The following DCAF12 variants were observed in gnomAD, a reference collection of about 807,000 sequenced individuals.
DCAF12 encodes DDB1 and CUL4 associated factor 12.
Under a neutral mutation model 52.8 loss-of-function variants are expected in DCAF12, and 28 were observed. The observed-to-expected ratio is 0.53, with a 90% CI of 0.39 to 0.73. The LOEUF (loss-of-function observed/expected upper bound fraction) is 0.73, where lower values mean the gene tolerates loss of function less well. DCAF12 is among the 30% of genes least tolerant of loss of function. The pLI, the probability that DCAF12 is intolerant of heterozygous loss-of-function variation, is 0.00. For synonymous variants in DCAF12, 196 were observed against 215.5 expected (o/e 0.91, Z 0.79); for missense variants, 425 against 552.2 (o/e 0.77, Z 2.31).
At chr9:34,108,221 A>G (rs1007263732) in intron 2 of DCAF12, among the ~76,000 whole-genome samples, 2 of 152,184 alleles carry the variant, frequency 1.3e-5, no homozygotes, top group Non-Finnish European at 1.5e-5. Context: ...TAGCGAAAGG[A>G]CAGCCCTTAG....
At chr9:34,089,675 T>C in intron 7 of DCAF12, 85 bp from the exon 8 acceptor site, 4 of 1,365,928 alleles carry the variant, frequency 2.9e-6, no homozygotes, top group Non-Finnish European at 3.9e-6. Context: ...CAACACTGAG[T>C]TTTCAACGTC....
intron 2 of DCAF12, among the ~76,000 whole-genome samples, chr9:34,118,617 G>A (rs976120444): frequency 3.3e-5 from 5 of 152,060 alleles, no homozygotes; most frequent in Non-Finnish European, 5.9e-5. Flanking sequence ...GAGCAGAGAC[G>A]GTAATTACGT....
In DCAF12 at chr9:34,125,248, C is replaced by T; in HGVS notation, c.108G>A (p.Arg36=). 1 of 1,614,110 alleles carries T rather than the reference C, an allele frequency of 6.2e-7. No homozygotes were observed. The highest frequency in any genetic ancestry group is 8.5e-7 in the Non-Finnish European group (1 of 1,180,024). ...QFGWDHSLHK[R]KRLPPVKRSL... ...ATCTCTTCACAGGAGGAAGTCTTTT[C>T]CTTTTGTGAAGCGAGTGATCCCAGC... Residue 36 remains arginine (R), a synonymous_variant, in exon 2 of 9, where the codon AGG becomes AGA. Transcript: ENST00000361264.
chr9:34,100,932 C>T (rs1248951909), intron 4 of DCAF12, among the ~76,000 whole-genome samples: 1 of 151,926 alleles, frequency 6.6e-6, no homozygotes, highest in East Asian at 1.9e-4. Flanking sequence ...AGCCACCATA[C>T]CCAGACTAGG....
intron 2 of DCAF12, 67 bp from the exon 3 acceptor site, chr9:34,107,632 C>T (rs1828925967): frequency 1.5e-6 from 2 of 1,369,526 alleles, no homozygotes; most frequent in Non-Finnish European, 2.1e-6. Flanking sequence ...GTATAAACAT[C>T]CTTTTGTTCA....
chr9:34,088,117 C>A lies in DCAF12; in HGVS notation c.*233G>T. ...TAGCAACAATGTTTGGTTGAAAAGC[C>A]AGAAATAATAAAAGATAGTAAAATT... On this transcript the variant is annotated 3_prime_UTR_variant, in exon 9 of 9. Coordinates refer to ENST00000361264, the MANE Select transcript of DCAF12 (RefSeq NM_015397.4). 1.1e-5 allele frequency: 4 copies of A among 361,448 alleles called. No homozygotes were observed. The highest frequency in any genetic ancestry group is 1.7e-4 in the South Asian group (2 of 12,088). The allele number at this position is 361,448 out of a possible 1,614,324, so 22.4% of individuals were successfully genotyped here.
intron 6 of DCAF12, chr9:34,096,266 C>G (rs1408182690): frequency 6.5e-6 from 1 of 153,256 alleles, no homozygotes; most frequent in Admixed American, 6.5e-5. Flanking sequence ...ATAGTCTCAG[C>G]TACTTGGGAG....
intron 8 of DCAF12, 107 bp downstream of exon 8, chr9:34,089,305 C>T: frequency 7.9e-7 from 1 of 1,271,954 alleles, no homozygotes. Context: ...GTGCCTCTTA[C>T]TAGTGAAAAA....
intron 2 of DCAF12, chr9:34,109,445 C>T (rs1828962225): frequency 1.1e-5 from 2 of 190,288 alleles, no homozygotes; most frequent in South Asian, 1.1e-4. Context: ...CAGCTGTTTT[C>T]ACCTTGTGGG....
chr9:34,125,091 G>C lies in DCAF12; in HGVS notation c.265C>G (p.Leu89Val). ...CACTGAGATGCAAACACTTTATTAA[G>C]GGTCCCAAGGTGAAACTCTCTCTCC... ...LKEREFHLGT[L>V]NKVFASQWLN... Residue 89 changes from leucine to valine, a missense_variant, in exon 2 of 9, where the codon CTT becomes GTT. Leu to Val is a conservative substitution (Grantham distance 32). Around this residue, in one of 3 missense-constraint regions of DCAF12, gnomAD observed 328 missense variants for 444.4 expected, o/e 0.74. Transcript: ENST00000361264. 6 of 1,614,048 alleles carry C rather than the reference G, an allele frequency of 3.7e-6. No homozygotes were observed. Among genetic ancestry groups the C allele is most frequent in the Non-Finnish European group, 4.2e-6 (5 of 1,180,014 alleles).
intron 4 of DCAF12, among the ~76,000 whole-genome samples, chr9:34,105,741 T>C (rs970547089): frequency 1.3e-5 from 2 of 149,358 alleles, no homozygotes; most frequent in Non-Finnish European, 3.0e-5. Context: ...ATCTATCTTA[T>C]CTATCTATCC....
At chr9:34,093,655 G>C in intron 6 of DCAF12, 1 of 530,960 alleles carries the variant, frequency 1.9e-6, no homozygotes, top group Non-Finnish European at 3.4e-6. Context: ...CCTAGATACT[G>C]AAGGAGATAG....
At chr9:34,119,970 G>A (rs1587742249) in intron 2 of DCAF12, among the ~76,000 whole-genome samples, 1 of 151,720 alleles carries the variant, frequency 6.6e-6, no homozygotes, top group East Asian at 1.9e-4. Flanking sequence ...GCTTCCCAAA[G>A]TGCTGGATTA....
chr9:34,115,555 C>T (rs1401082804), intron 2 of DCAF12, among the ~76,000 whole-genome samples: 1 of 146,940 alleles, frequency 6.8e-6, no homozygotes, highest in Non-Finnish European at 1.5e-5. Context: ...GCCGAGATAG[C>T]GCCACCGCAC....
chr9:34,087,885 GA>G lies in DCAF12; in HGVS notation c.*464del, dbSNP rs926185456. The G allele has an allele frequency of 2.0e-5, 3 of 152,468 alleles. No individual in the cohort carries two copies. The highest frequency in any genetic ancestry group is 7.3e-5 in the African/African-American group (3 of 41,264). 9.4% of individuals were successfully genotyped at this position (152,468 alleles called of 1,614,324 possible). A position where few individuals can be genotyped will look rare whatever the true frequency, so the allele number is the denominator to read the frequency against. On this transcript the variant is annotated 3_prime_UTR_variant, in exon 9 of 9. Transcript: ENST00000361264. The stretch of plus-strand genomic sequence containing the variant: ...ACACACAGTACCTACAGGCACACAA[GA>G]TCACACACACACACGCAGACAAGAT...
At chr9:34,103,710 C>G (rs1286698762) in intron 4 of DCAF12, among the ~76,000 whole-genome samples, 1 of 151,838 alleles carries the variant, frequency 6.6e-6, no homozygotes, top group Non-Finnish European at 1.5e-5. Context: ...AAATAATTAA[C>G]CGGGTGTGGT....
intron 4 of DCAF12, among the ~76,000 whole-genome samples, chr9:34,105,515 G>A (rs115966352): frequency 0.014 from 2,159 of 152,116 alleles, 32 homozygotes; most frequent in African/African-American, 0.043. Flanking sequence ...GTGTGAAGGT[G>A]TGTGCCTATA....
intron 7 of DCAF12, among the ~76,000 whole-genome samples, chr9:34,091,054 G>A (rs1474915654): frequency 6.6e-6 from 1 of 152,078 alleles, no homozygotes; most frequent in Non-Finnish European, 1.5e-5. Context: ...GGCCAGGCGT[G>A]GTGGCTCAAG....
chr9:34,126,032 A>G (rs1388829035), intron 1 of DCAF12, among the ~76,000 whole-genome samples: 1 of 152,036 alleles, frequency 6.6e-6, no homozygotes, highest in Non-Finnish European at 1.5e-5. Context: ...ACTCTACCAG[A>G]GTTTGTTTCC....
Sources: allele counts gnomAD v4.1 joint callset (sites outside exome capture counted in the v4.1 genomes callset), GRCh38; gene constraint gnomAD v4.1.1; regional missense constraint gnomAD v4.1.1; transcripts MANE v1.5; gene names NCBI Gene and HGNC (gene_info 2026-07-23, HGNC 2026-07-21).